The following MARVELD3 variants were observed in gnomAD, a reference collection of about 807,000 sequenced individuals.
MARVELD3 encodes the protein MARVEL domain containing 3.
Under a neutral mutation model 33.5 loss-of-function variants are expected in MARVELD3, and 28 were observed. The observed-to-expected ratio is 0.84, with a 90% CI of 0.62 to 1.15. The LOEUF (loss-of-function observed/expected upper bound fraction) is 1.15, where lower values mean the gene tolerates loss of function less well. MARVELD3 is among the 50% of genes most tolerant of loss of function. MARVELD3 has a pLI of 0.00. For missense variants in MARVELD3, 582 were observed against 547.6 expected, an observed-to-expected ratio of 1.06 and a Z score of -0.63; for synonymous variants, 241 against 230.4, an observed-to-expected ratio of 1.05 and a Z score of -0.42.
rs749256532 is a variant in MARVELD3, at chr16:71,636,349, G to A, written c.*1546G>A. 40 of 183,788 alleles carry A rather than the reference G, an allele frequency of 2.2e-4. No individual in the cohort carries two copies. The highest frequency in any genetic ancestry group is 3.7e-4 in the East Asian group (2 of 5,342). The allele number at this position is 183,788 out of a possible 1,614,324, so 11.4% of individuals were successfully genotyped here. On this transcript the variant is annotated 3_prime_UTR_variant, in exon 3 of 3. Transcript: ENST00000268485. ...CTTGTATATGATTGGAAAATTTCTT[G>A]AAGAATAACATCAGAAAGTATTAAG...
rs2044573921 is a variant in MARVELD3, at chr16:71,635,346, A to G, written c.*543A>G. On this transcript the variant is annotated 3_prime_UTR_variant, in exon 3 of 3. Transcript: ENST00000268485. ...TCCATCTCAAAAAAAAAAAAAAGCAAAAAAACTGGACCCCAAGAGCCACAA... is the reference window on the plus strand; with the variant it reads ...TCCATCTCAAAAAAAAAAAAAAGCAGAAAAACTGGACCCCAAGAGCCACAA... The G allele has an allele frequency of 1.0e-6, 1 of 985,808 alleles. No individual in the cohort carries two copies. Among genetic ancestry groups the G allele is most frequent in the Non-Finnish European group, 1.2e-6 (1 of 830,490 alleles). 61.1% of individuals were successfully genotyped at this position (985,808 alleles called of 1,614,324 possible). A position where few individuals can be genotyped will look rare whatever the true frequency, so the allele number is the denominator to read the frequency against.
At chr16:71,639,067 T>G (rs1411181426), downstream of MARVELD3, 12 of 138,802 alleles carry the variant, frequency 8.6e-5, no homozygotes, top group African/African-American at 3.2e-4. Flanking sequence ...GTTCTTTTTT[T>G]TTTTTTTTTT....
chr16:71,626,837 C>T lies in MARVELD3; in HGVS notation c.467+141C>T, dbSNP rs1199308849. 1.4e-6 allele frequency: 1 copy of T among 715,138 alleles called. No homozygotes were observed. Among genetic ancestry groups the T allele is most frequent in the African/African-American group, 1.9e-5 (1 of 52,632 alleles). 44.3% of individuals were successfully genotyped at this position (715,138 alleles called of 1,614,324 possible). ...ATGCCGTTTCTCCCTTCTGCGCTCTCAGAGGCGACCTGGCAGGGAAGGAAA... is the reference window on the plus strand; with the variant it reads ...ATGCCGTTTCTCCCTTCTGCGCTCTTAGAGGCGACCTGGCAGGGAAGGAAA... On this transcript the variant is annotated intron_variant, in intron 1 of 2. Transcript: ENST00000268485. This position sits in a 1 kb window ranked among gnomAD's most constrained non-coding sequence, Gnocchi z 5.3.
rs761135248 is a variant in MARVELD3 at position 71,626,460 on chromosome 16, GGAGA to G, written c.239_242del (p.Glu80GlyfsTer42). On this transcript the variant is annotated frameshift_variant, in exon 1 of 3. Coordinates refer to ENST00000268485, the MANE Select transcript of MARVELD3 (RefSeq NM_052858.6). LOFTEE classifies it high-confidence loss of function. This position sits in a 1 kb window ranked among gnomAD's most constrained non-coding sequence, Gnocchi z 5.3. ...GCGACCGGAACCGGGACCGGGAGAG[GGAGA>G]GAGAGAGGGAAAGAGACCCGGACCG... 12 of 1,549,320 alleles carry G rather than the reference GGAGA, an allele frequency of 7.7e-6. No homozygotes were observed. The highest frequency in any genetic ancestry group is 1.4e-5 in the African/African-American group (1 of 73,114).
chr16:71,640,189 A>C (rs2044606872), downstream of MARVELD3, among the ~76,000 whole-genome samples: 1 of 151,932 alleles, frequency 6.6e-6, no homozygotes, highest in African/African-American at 2.4e-5. Flanking sequence ...GAATCGCTTG[A>C]AGCCAGGAGG....
chr16:71,630,654 T>C (rs912073713), intron 2 of MARVELD3, among the ~76,000 whole-genome samples: 5 of 150,606 alleles, frequency 3.3e-5, no homozygotes, highest in South Asian at 2.1e-4. Flanking sequence ...ATAAAATATA[T>C]GTATATATAT....
In MARVELD3 at chr16:71,634,298, G is replaced by C; in HGVS notation, c.701G>C (p.Gly234Ala). The change falls in exon 3 of 3, where the codon GGC (glycine) becomes GCC (alanine). Residue 234 changes from glycine to alanine, a missense_variant. By Grantham distance (60) the Gly-to-Ala change is moderately conservative (BLOSUM62 0). Transcript: ENST00000268485. ...TACACGGGCATCACCAGCTTGGGGG[G>C]CATTTACTACTATCAGTTCGGAGGG... The part of the protein sequence containing the change: ...GGYTGITSLG[G>A]IYYYQFGGAY... 1.9e-6 allele frequency: 3 copies of C among 1,614,180 alleles called. No homozygotes were observed. Among genetic ancestry groups the C allele is most frequent in the Non-Finnish European group, 2.5e-6 (3 of 1,180,038 alleles).
Position 71,629,442 on chromosome 16 carries a change from G to C in MARVELD3, c.543G>C (p.Glu181Asp). ...GREEVEYYQS[E>D]AEGLLECHKC... ...AGGAGGTGGAATATTACCAGTCAGA[G>C]GCGGAAGGACTCCTGGAATGCCACA... The change falls in exon 2 of 3, where the codon GAG (glutamate) becomes GAC (aspartate). Residue 181 changes from glutamate to aspartate, a missense_variant. Coordinates refer to ENST00000268485, the MANE Select transcript of MARVELD3 (RefSeq NM_052858.6). 6.3e-7 allele frequency: 1 copy of C among 1,581,266 alleles called. No individual in the cohort carries two copies. Among genetic ancestry groups the C allele is most frequent in the African/African-American group, 1.4e-5 (1 of 72,882 alleles).
chr16:71,638,870 A>G (rs2145287511), downstream of MARVELD3: 1 of 152,246 alleles, frequency 6.6e-6, no homozygotes, highest in Admixed American at 6.6e-5. Flanking sequence ...GATGCAATCC[A>G]GAACTGTTCC....
Position 71,636,090 on chromosome 16 carries a change from G to C in MARVELD3, c.*1287G>C. ...ATTAAATTATGACTTATGGAACATT[G>C]CAATATATTCTCGGTCCTTAAGTTA... On this transcript the variant is annotated 3_prime_UTR_variant, in exon 3 of 3. Transcript: ENST00000268485. 1.0e-6 allele frequency: 1 copy of C among 985,054 alleles called. No homozygotes were observed. The highest frequency in any genetic ancestry group is 1.2e-6 in the Non-Finnish European group (1 of 829,748). The allele number at this position is 985,054 out of a possible 1,614,324, so 61.0% of individuals were successfully genotyped here.
chr16:71,638,779 C>T (rs964815121), downstream of MARVELD3: 2 of 152,144 alleles, frequency 1.3e-5, no homozygotes, highest in Non-Finnish European at 2.9e-5. Flanking sequence ...TAGGTTTCCC[C>T]CTTTTACCTG....
At chr16:71,630,129 G>A (rs996430840) in intron 2 of MARVELD3, among the ~76,000 whole-genome samples, 5 of 151,566 alleles carry the variant, frequency 3.3e-5, no homozygotes, top group Admixed American at 2.0e-4. Flanking sequence ...GCTTACGCCT[G>A]TAATCCCAGC....
At chr16:71,631,595 G>A (rs1345485641) in intron 2 of MARVELD3, among the ~76,000 whole-genome samples, 8 of 151,954 alleles carry the variant, frequency 5.3e-5, no homozygotes, top group African/African-American at 9.7e-5. Context: ...GAGGTAGCGC[G>A]TGCCACCATG....
chr16:71,626,609 C>T lies in MARVELD3; in HGVS notation c.380C>T (p.Ala127Val), dbSNP rs1194116593. ...DGARGLTWDA[A>V]APPGPAPWEA... is the part of the protein sequence containing the mutation. ...GCCCGGGGACTGACCTGGGACGCAG[C>T]CGCGCCTCCTGGGCCCGCGCCCTGG... The change falls in exon 1 of 3, where the codon GCC becomes GTC. Residue 127 changes from alanine (A) to valine (V), a missense_variant. By Grantham distance (64) the Ala-to-Val change is moderately conservative. Transcript: ENST00000268485. The surrounding 1 kb of genome is among the most constrained non-coding windows in gnomAD (Gnocchi z 5.3). 4 of 1,541,176 alleles carry T rather than the reference C, an allele frequency of 2.6e-6. No homozygotes were observed. The African/African-American group carries it at 4.1e-5, about 16-fold the overall frequency.
rs368013418 is a variant in MARVELD3, at chr16:71,626,587, C to T, written c.358C>T (p.Arg120Trp). 1.5e-4 allele frequency: 226 copies of T among 1,544,728 alleles called. No homozygotes were observed. The highest frequency in any genetic ancestry group is 1.9e-4 in the Non-Finnish European group (218 of 1,146,636). Residue 120 changes from arginine to tryptophan, a missense_variant, in exon 1 of 3, where the codon CGG becomes TGG. Transcript: ENST00000268485. The surrounding 1 kb of genome is among the most constrained non-coding windows in gnomAD (Gnocchi z 5.3). ...CCAAAGCCGGACGCGGGACGGAGCC[C>T]GGGGACTGACCTGGGACGCAGCCGC... ...PRQSRTRDGA[R>W]GLTWDAAAPP...
downstream of MARVELD3, among the ~76,000 whole-genome samples, chr16:71,637,495 G>A (rs1037825272): frequency 5.9e-5 from 9 of 152,248 alleles, no homozygotes; most frequent in East Asian, 1.9e-4. Flanking sequence ...TTACTGTGCC[G>A]GAGTGATGAG....
In MARVELD3 at chr16:71,635,039, A is replaced by G. The variant is rs181741787; in HGVS notation, c.*236A>G. ...AATCAAAATTATTTTTCAAAAAGCAAAAAAATGGCCGGCCTCGGCGGCTCA... is the reference window on the plus strand; with the variant it reads ...AATCAAAATTATTTTTCAAAAAGCAGAAAAATGGCCGGCCTCGGCGGCTCA... On this transcript the variant is annotated 3_prime_UTR_variant, in exon 3 of 3. Transcript: ENST00000268485. 2.7e-4 allele frequency: 326 copies of G among 1,212,712 alleles called. 2 individuals are homozygous for G. In the East Asian group the frequency reaches 9.9e-3, roughly 37 times the overall value. The allele number at this position is 1,212,712 out of a possible 1,614,324, so 75.1% of individuals were successfully genotyped here.
chr16:71,633,932 C>T (rs965731752), intron 2 of MARVELD3, among the ~76,000 whole-genome samples: 16 of 152,258 alleles, frequency 1.1e-4, no homozygotes, highest in African/African-American at 3.6e-4. Context: ...CTCCCATCAT[C>T]CTCCTGCCGC....
At chr16:71,640,879 C>G, downstream of MARVELD3, 1 of 1,614,210 alleles carries the variant, frequency 6.2e-7, no homozygotes, top group Non-Finnish European at 8.5e-7. Context: ...GCAGCAGCCA[C>G]CTTTGCTTGT....
Sources: allele counts gnomAD v4.1 joint callset (sites outside exome capture counted in the v4.1 genomes callset), GRCh38; gene constraint gnomAD v4.1.1; non-coding constraint Gnocchi (gnomAD v3.1); transcripts MANE v1.5; gene names NCBI Gene and HGNC (gene_info 2026-07-23, HGNC 2026-07-21).